Variants in SND1 observed in about 807,000 individuals in gnomAD.
SND1 encodes the protein staphylococcal nuclease and tudor domain containing 1, also known as staphylococcal nuclease domain-containing protein 1.
SND1 carries 38 observed loss-of-function variants against 121.7 expected under a neutral mutation model. That is an observed-to-expected ratio of 0.31 (90% CI 0.24 to 0.41). The LOEUF is 0.41. Among genes scored for constraint, SND1 ranks in the 10% least tolerant of loss-of-function variants. The pLI is 1.00. For missense variants in SND1, 868 were observed against 1,184.6 expected (o/e 0.73, Z 3.92); for synonymous variants, 401 against 447.4 (o/e 0.90, Z 1.31).
intron 16 of SND1, among the ~76,000 whole-genome samples, chr7:128,026,903 G>T: frequency 6.6e-6 from 1 of 152,154 alleles, no homozygotes; most frequent in East Asian, 1.9e-4. Context: ...CTAAGGAAAG[G>T]TTGACAGCTT....
At chr7:127,859,831 C>A (rs1485090600) in intron 12 of SND1, among the ~76,000 whole-genome samples, 3 of 152,062 alleles carry the variant, frequency 2.0e-5, no homozygotes, top group African/African-American at 7.2e-5. Context: ...ATATTGCTAA[C>A]CACTGAGAAA....
At chr7:128,030,607 G>A in intron 16 of SND1, 5 of 1,581,914 alleles carry the variant, frequency 3.2e-6, no homozygotes, top group Non-Finnish European at 4.3e-6. Flanking sequence ...TTCCAGGTGT[G>A]GTGGTGCACA....
In SND1 at chr7:127,707,591, G is replaced by T; in HGVS notation, c.982G>T (p.Asp328Tyr). ...AGAGCGCAGGCTGAGAATATGGAGA[G>T]ACTATGTGGCTCCCACAGCTAATTT... ...AKERRLRIWRDYVAPTANLDQ... is the reference protein window; with the variant it reads ...AKERRLRIWRYYVAPTANLDQ... Residue 328 changes from aspartate to tyrosine, a missense_variant, in exon 9 of 24, where the codon GAC (aspartate) becomes TAC (tyrosine). Asp to Tyr is a radical substitution (Grantham distance 160). Transcript: ENST00000354725. 1 of 1,614,160 alleles carries T rather than the reference G, an allele frequency of 6.2e-7. No individual in the cohort carries two copies. Among genetic ancestry groups the T allele is most frequent in the Non-Finnish European group, 8.5e-7 (1 of 1,179,988 alleles).
At chr7:127,866,406 G>A (rs988762519) in intron 12 of SND1, among the ~76,000 whole-genome samples, 1 of 152,196 alleles carries the variant, frequency 6.6e-6, no homozygotes, top group Non-Finnish European at 1.5e-5. Context: ...ATCAATAATA[G>A]CTTTGATTCC....
At chr7:127,819,007 G>T (rs538135707) in intron 11 of SND1, among the ~76,000 whole-genome samples, 33 of 152,074 alleles carry the variant, frequency 2.2e-4, no homozygotes, top group African/African-American at 3.1e-4. Flanking sequence ...TAATTTGATG[G>T]TCTCTGCATT....
intron 16 of SND1, chr7:128,042,611 C>G (rs566769783): frequency 6.6e-6 from 1 of 152,416 alleles, no homozygotes; most frequent in Non-Finnish European, 1.5e-5. Context: ...CACTCTCTCC[C>G]CAAGCAAGAG....
At chr7:127,806,891 G>A (rs879508869) in intron 10 of SND1, among the ~76,000 whole-genome samples, 8 of 152,132 alleles carry the variant, frequency 5.3e-5, no homozygotes, top group African/African-American at 1.7e-4. Context: ...CCCAGGAGGC[G>A]GAGGTTGCAG....
chr7:127,945,291 G>A (rs1385164086), intron 15 of SND1, among the ~76,000 whole-genome samples: 1 of 152,116 alleles, frequency 6.6e-6, no homozygotes, highest in East Asian at 1.9e-4. Context: ...AGGAGATCGA[G>A]ACCATCCTGG....
At chr7:128,041,078 T>C (rs1792846079) in intron 16 of SND1, among the ~76,000 whole-genome samples, 1 of 152,172 alleles carries the variant, frequency 6.6e-6, no homozygotes, top group Admixed American at 6.5e-5. Context: ...TGTCTCTCTG[T>C]AGCTGGTACT....
intron 11 of SND1, among the ~76,000 whole-genome samples, chr7:127,834,181 ATCCTGCT>A (rs1427623535): frequency 6.6e-6 from 1 of 152,142 alleles, no homozygotes; most frequent in Non-Finnish European, 1.5e-5. Context: ...TCTCTTTAAG[ATCCTGCT>A]TCCAATTCCA....
intron 12 of SND1, among the ~76,000 whole-genome samples, chr7:127,877,755 A>G (rs915813124): frequency 6.6e-5 from 10 of 152,038 alleles, no homozygotes; most frequent in African/African-American, 2.4e-4. Context: ...TTAAAACCCC[A>G]GGTATCTTTG....
At chr7:127,704,981 C>G in intron 8 of SND1, 36 bp downstream of exon 8, 1 of 1,537,398 alleles carries the variant, frequency 6.5e-7, no homozygotes, top group Non-Finnish European at 9.0e-7. Context: ...AGCTGTGGAT[C>G]TTGTTAAGGA....
intron 16 of SND1, among the ~76,000 whole-genome samples, chr7:128,013,729 G>T (rs1803163451): frequency 6.6e-6 from 1 of 152,204 alleles, no homozygotes; most frequent in Admixed American, 6.5e-5. Context: ...GCTCCTATGA[G>T]ACTGTAATGC....
At chr7:127,905,652 A>G (rs1381440251) in intron 14 of SND1, among the ~76,000 whole-genome samples, 1 of 152,152 alleles carries the variant, frequency 6.6e-6, no homozygotes, top group Admixed American at 6.6e-5. Context: ...TGAGTGGTGT[A>G]AGTGCTGATT....
intron 1 of SND1, among the ~76,000 whole-genome samples, chr7:127,659,781 T>C (rs988482450): frequency 1.1e-4 from 16 of 152,112 alleles, no homozygotes; most frequent in Non-Finnish European, 1.8e-4. Flanking sequence ...GCCATTTGGG[T>C]AATGTTGGGT....
At chr7:127,932,647 A>T (rs927403257) in intron 15 of SND1, among the ~76,000 whole-genome samples, 1 of 152,254 alleles carries the variant, frequency 6.6e-6, no homozygotes, top group Non-Finnish European at 1.5e-5. Flanking sequence ...AGGAAGAGCC[A>T]GTTGATGGAA....
chr7:127,867,394 C>T (rs1268783756), intron 12 of SND1, among the ~76,000 whole-genome samples: 2 of 152,212 alleles, frequency 1.3e-5, no homozygotes, highest in African/African-American at 4.8e-5. Flanking sequence ...AGGCTTCTGT[C>T]ATTGTCCCTC....
At chr7:127,788,579 A>G (rs1457858169) in intron 10 of SND1, among the ~76,000 whole-genome samples, 1 of 152,154 alleles carries the variant, frequency 6.6e-6, no homozygotes, top group Non-Finnish European at 1.5e-5. Flanking sequence ...TACATTAATC[A>G]TGTACATTTG....
intron 10 of SND1, among the ~76,000 whole-genome samples, chr7:127,742,788 TG>T (rs1178854826): frequency 1.3e-5 from 2 of 152,160 alleles, no homozygotes; most frequent in Non-Finnish European, 2.9e-5. Flanking sequence ...AAGCCCCTAC[TG>T]TGTGGTGGTG....
Sources: gnomAD v4.1 joint callset for allele counts (sites outside exome capture counted in the v4.1 genomes callset) on GRCh38, gnomAD v4.1.1 for gene constraint, MANE v1.5 for transcripts, NCBI Gene and HGNC (gene_info 2026-07-23, HGNC 2026-07-21) for gene names.